DCC: variants seen among roughly 807,000 people sequenced by gnomAD.
DCC encodes DCC netrin 1 receptor.
A neutral mutation model predicts 172.5 loss-of-function variants in DCC; 58 were observed. That is an observed-to-expected ratio of 0.34 (90% CI 0.27 to 0.42). DCC has a LOEUF of 0.42. DCC is among the 10% of genes least tolerant of loss of function. DCC has a pLI of 1.00. For synonymous variants in DCC, 709 were observed against 644.5 expected (o/e 1.10, Z -1.52); for missense variants, 1,740 against 1,791.0 (o/e 0.97, Z 0.51).
At chr18:52,467,965 T>C (rs1026187440) in intron 1 of DCC, among the ~76,000 whole-genome samples, 3 of 152,222 alleles carry the variant, frequency 2.0e-5, no homozygotes, top group African/African-American at 7.2e-5. Context: ...GTCAGATGGA[T>C]AGATTGCAAC....
intron 1 of DCC, among the ~76,000 whole-genome samples, chr18:52,435,439 G>A (rs1249846120): frequency 6.6e-6 from 1 of 152,164 alleles, no homozygotes; most frequent in Non-Finnish European, 1.5e-5. Context: ...CTGCCTGGCT[G>A]TGGCTGCCTC....
rs574135606 is a variant in DCC, at chr18:53,465,624, CTT to C, written c.3620-2267_3620-2266del. On this transcript the variant is annotated intron_variant, in intron 24 of 28. Coordinates refer to ENST00000442544, the MANE Select transcript of DCC (RefSeq NM_005215.4). ...TTGAAACTATAAGGTTTATTTATGT[CTT>C]TTGCCAAATTTTGGAAATATCAGCC... 9.9e-5 allele frequency among the ~76,000 whole-genome samples: 15 copies of C among 152,064 alleles called. No individual in the cohort carries two copies. The East Asian group carries it at 2.9e-3, about 29-fold the overall frequency.
chr18:53,448,510 A>T (rs1327548164), intron 22 of DCC, among the ~76,000 whole-genome samples: 1 of 152,140 alleles, frequency 6.6e-6, no homozygotes. Flanking sequence ...ACACATGGGG[A>T]TTATGGGAAC....
intron 14 of DCC, 149 bp downstream of exon 14, chr18:53,322,306 T>C (rs1038470090): frequency 5.9e-6 from 4 of 676,318 alleles, no homozygotes; most frequent in Non-Finnish European, 1.1e-5. Context: ...GAAACATTAG[T>C]GAATACATAG....
At chr18:52,582,417 C>G (rs2033570061) in intron 1 of DCC, among the ~76,000 whole-genome samples, 3 of 152,156 alleles carry the variant, frequency 2.0e-5, no homozygotes, top group Admixed American at 2.0e-4. Context: ...CATCTTTAAT[C>G]TCCCTACTCA....
chr18:53,362,637 A>T (rs2057960158), intron 15 of DCC, among the ~76,000 whole-genome samples: 1 of 152,146 alleles, frequency 6.6e-6, no homozygotes, highest in Admixed American at 6.6e-5. Context: ...ATCTGGCTTA[A>T]GGTATTTTTT....
At chr18:52,718,312 T>C (rs2036420507) in intron 1 of DCC, among the ~76,000 whole-genome samples, 2 of 152,216 alleles carry the variant, frequency 1.3e-5, no homozygotes, top group South Asian at 4.1e-4. Context: ...GTGCCACAGG[T>C]ATTTGGGCAG....
intron 7 of DCC, among the ~76,000 whole-genome samples, chr18:53,128,731 T>A (rs964215661): frequency 2.6e-5 from 4 of 151,542 alleles, no homozygotes; most frequent in African/African-American, 9.7e-5. Context: ...AAAATTATAC[T>A]GGTTTCAATT....
intron 1 of DCC, among the ~76,000 whole-genome samples, chr18:52,401,405 A>G (rs527407583): frequency 3.3e-5 from 5 of 152,198 alleles, no homozygotes; most frequent in African/African-American, 1.2e-4. Context: ...ACCCCAGGAT[A>G]AGGACAGAAC....
At chr18:53,311,066 A>G (rs1195542083) in intron 13 of DCC, among the ~76,000 whole-genome samples, 1 of 151,446 alleles carries the variant, frequency 6.6e-6, no homozygotes, top group Non-Finnish European at 1.5e-5. Context: ...GAAACACAGA[A>G]TTCGTCTCAT....
chr18:53,275,406 A>G (rs939563359), intron 12 of DCC, among the ~76,000 whole-genome samples: 5 of 152,092 alleles, frequency 3.3e-5, no homozygotes, highest in Non-Finnish European at 7.4e-5. Context: ...CAAATATATG[A>G]TCTCCACTGG....
intron 12 of DCC, among the ~76,000 whole-genome samples, chr18:53,240,321 C>T (rs2056275182): frequency 6.6e-6 from 1 of 151,986 alleles, no homozygotes; most frequent in African/African-American, 2.4e-5. Flanking sequence ...GAATATTTTC[C>T]CATTTCTGAG....
At chr18:52,963,828 G>GTTTTTT (rs199927780) in intron 5 of DCC, among the ~76,000 whole-genome samples, 1 of 145,634 alleles carries the variant, frequency 6.9e-6, no homozygotes, top group Non-Finnish European at 1.5e-5. Flanking sequence ...ATTATCTCTA[G>GTTTTTT]TTTTTTTTTT....
chr18:52,628,378 T>G (rs1250896496), intron 1 of DCC, among the ~76,000 whole-genome samples: 1 of 152,260 alleles, frequency 6.6e-6, no homozygotes, highest in African/African-American at 2.4e-5. Context: ...TTTCACTGTA[T>G]GCAAAGTGTT....
intron 1 of DCC, among the ~76,000 whole-genome samples, chr18:52,690,839 G>T (rs1278145041): frequency 6.6e-6 from 1 of 152,138 alleles, no homozygotes; most frequent in African/African-American, 2.4e-5. Context: ...TGCATATGGT[G>T]TGAGTGATGC....
intron 2 of DCC, among the ~76,000 whole-genome samples, chr18:52,821,854 A>G (rs1173139153): frequency 2.0e-5 from 3 of 152,226 alleles, no homozygotes; most frequent in Non-Finnish European, 4.4e-5. Flanking sequence ...GGCATTGACT[A>G]GGTGCTCAAA....
chr18:52,474,206 T>TAGAGAGAGAGAGAGAGAGAGAGAG (rs61277582), intron 1 of DCC, among the ~76,000 whole-genome samples: 2 of 100,628 alleles, frequency 2.0e-5, no homozygotes, highest in African/African-American at 8.3e-5. Context: ...GTAACAGACC[T>TAGAGAGAGAGAGAGAGAGAGAGAG]AGAGAGAGAG....
At chr18:53,248,340 C>T (rs193271188) in intron 12 of DCC, among the ~76,000 whole-genome samples, 52 of 152,010 alleles carry the variant, frequency 3.4e-4, no homozygotes, top group African/African-American at 1.2e-3. Flanking sequence ...CCAGAATGGT[C>T]CTGTGGGCAT....
chr18:52,456,150 A>T (rs1286685890), intron 1 of DCC, among the ~76,000 whole-genome samples: 1 of 152,178 alleles, frequency 6.6e-6, no homozygotes, highest in Non-Finnish European at 1.5e-5. Flanking sequence ...TTATTTAAAT[A>T]TATTGTAGGT....
Sources: allele counts gnomAD v4.1 joint callset (sites outside exome capture counted in the v4.1 genomes callset), GRCh38; gene constraint gnomAD v4.1.1; transcripts MANE v1.5; gene names NCBI Gene and HGNC (gene_info 2026-07-23, HGNC 2026-07-21).